The following ODAPH variants were observed in gnomAD, a reference collection of about 807,000 sequenced individuals.
The protein encoded by ODAPH is odontogenesis associated phosphoprotein, also known as amelogenesis imperfecta type IIA4.
Under a neutral mutation model 2.8 loss-of-function variants are expected in ODAPH, and 2 were observed. The ratio of observed to expected loss-of-function variants is 0.72; its 90% CI spans 0.30 to 2.28. The LOEUF is 2.28. Among genes scored for constraint, ODAPH ranks in the 30% most tolerant of loss-of-function variants. ODAPH has a pLI of 0.13. For synonymous variants in ODAPH, 75 were observed against 60.3 expected (o/e 1.24, Z -1.13); for missense variants, 159 against 163.3 (o/e 0.97, Z 0.14).
Position 75,564,653 on chromosome 4 carries a change from C to T in ODAPH, c.*214C>T, listed in dbSNP as rs1424858777. On this transcript the variant is annotated 3_prime_UTR_variant, in exon 2 of 2. Transcript: ENST00000311623. ...TGGTTGCAAAATTGGACAATAACCA[C>T]GTTATTTTTATCCTCAACCTCTTAT... The T allele has an allele frequency of 6.2e-6, 6 of 960,036 alleles. No individual in the cohort carries two copies. The highest frequency in any genetic ancestry group is 3.3e-5 in the African/African-American group (2 of 60,228). The allele number at this position is 960,036 out of a possible 1,614,324, so 59.5% of individuals were successfully genotyped here. A position where few individuals can be genotyped will look rare whatever the true frequency, so the allele number is the denominator to read the frequency against.
intron 1 of ODAPH, among the ~76,000 whole-genome samples, chr4:75,561,003 G>C (rs1164328923): frequency 1.3e-5 from 2 of 152,164 alleles, no homozygotes; most frequent in Non-Finnish European, 2.9e-5. Flanking sequence ...GGATCACGAG[G>C]TCAGGAGATC....
chr4:75,564,530 C>T lies in ODAPH; in HGVS notation c.*91C>T. On this transcript the variant is annotated 3_prime_UTR_variant, in exon 2 of 2. Transcript: ENST00000311623. Reference sequence around the variant, plus strand: ...AAGATTTCTGTTTTATCTTTCGAAACTAAAACTATTGGATTTGAAGATTAA... The same window carrying T: ...AAGATTTCTGTTTTATCTTTCGAAATTAAAACTATTGGATTTGAAGATTAA... The T allele has an allele frequency of 1.2e-6, 2 of 1,607,064 alleles. No homozygotes were observed. Among genetic ancestry groups the T allele is most frequent in the East Asian group, 2.2e-5 (1 of 44,868 alleles).
intron 1 of ODAPH, among the ~76,000 whole-genome samples, chr4:75,556,359 A>G (rs1727338828): frequency 6.6e-6 from 1 of 152,202 alleles, no homozygotes; most frequent in South Asian, 2.1e-4. Flanking sequence ...CTTTAGACAC[A>G]CTTAAAATCT....
At chr4:75,558,527 G>T (rs1252539418) in intron 1 of ODAPH, among the ~76,000 whole-genome samples, 1 of 147,250 alleles carries the variant, frequency 6.8e-6, no homozygotes, top group Non-Finnish European at 1.5e-5. Context: ...AAAAAAAAAG[G>T]TCTTTCATCA....
downstream of ODAPH, chr4:75,565,425 T>A (rs1001644152): frequency 1.3e-5 from 2 of 152,220 alleles, no homozygotes; most frequent in Non-Finnish European, 2.9e-5. Context: ...TAAAATAATA[T>A]ACTTCCTCTC....
intron 1 of ODAPH, among the ~76,000 whole-genome samples, chr4:75,562,137 T>C (rs536273716): frequency 6.6e-6 from 1 of 152,264 alleles, no homozygotes; most frequent in African/African-American, 2.4e-5. Flanking sequence ...CAATCAGCCA[T>C]AGCCAGAAGG....
At chr4:75,563,666 G>A (rs1042813971) in intron 1 of ODAPH, among the ~76,000 whole-genome samples, 2 of 152,116 alleles carry the variant, frequency 1.3e-5, no homozygotes, top group African/African-American at 4.8e-5. Context: ...AAAGGGAGTC[G>A]TACAGTATGT....
At position 75,564,560 on chromosome 4, in the gene ODAPH, C is replaced by G; in HGVS notation, c.*121C>G. On this transcript the variant is annotated 3_prime_UTR_variant, in exon 2 of 2. Coordinates refer to ENST00000311623, the MANE Select transcript of ODAPH (RefSeq NM_178497.5). The stretch of plus-strand genomic sequence containing the variant: ...ACTATTGGATTTGAAGATTAAGTAT[C>G]CTAAACATCACTGACTAGAAACTGT... 6.4e-7 allele frequency: 1 copy of G among 1,573,252 alleles called. No individual in the cohort carries two copies. The highest frequency in any genetic ancestry group is 8.6e-7 in the Non-Finnish European group (1 of 1,162,082).
Position 75,564,270 on chromosome 4 carries a change from T to C in ODAPH, c.224T>C (p.Phe75Ser). 1 of 1,614,232 alleles carries C rather than the reference T, an allele frequency of 6.2e-7. No homozygotes were observed. Among genetic ancestry groups the C allele is most frequent in the African/African-American group, 1.3e-5 (1 of 75,056 alleles). Residue 75 changes from phenylalanine to serine, a missense_variant, in exon 2 of 2, where the codon TTT becomes TCT. Transcript: ENST00000311623. ...ACACCCAGGTGTCCCTTCCATTTTT[T>C]TCCACGAAGGCCCAGAATCCATTTT... Reference protein sequence around the residue: ...TKTPRCPFHFFPRRPRIHFRF... With the variant: ...TKTPRCPFHFSPRRPRIHFRF...
At chr4:75,562,417 G>T (rs982307871) in intron 1 of ODAPH, among the ~76,000 whole-genome samples, 4 of 147,512 alleles carry the variant, frequency 2.7e-5, no homozygotes, top group Non-Finnish European at 5.9e-5. Context: ...TCGGCTCACC[G>T]CAACCTCCAC....
In ODAPH at chr4:75,564,478, G is replaced by A. The variant is rs1727736226; in HGVS notation, c.*39G>A. 6.2e-7 allele frequency: 1 copy of A among 1,613,602 alleles called. No homozygotes were observed. ...CCCAAACATACTGAAGCAAAAAAAAGCCTATCCTTCAGAAAAAAGCAACAA... is the reference window on the plus strand; with the variant it reads ...CCCAAACATACTGAAGCAAAAAAAAACCTATCCTTCAGAAAAAAGCAACAA... On this transcript the variant is annotated 3_prime_UTR_variant, in exon 2 of 2. Transcript: ENST00000311623.
chr4:75,560,252 T>A lies in ODAPH; in HGVS notation c.68-3862T>A, dbSNP rs145212490. 1.5e-3 allele frequency among the ~76,000 whole-genome samples: 224 copies of A among 152,320 alleles called. 5 individuals are homozygous for A. Among genetic ancestry groups the A allele is most frequent in the East Asian group, 5.0e-3 (26 of 5,186 alleles). On this transcript the variant is annotated intron_variant, in intron 1 of 1. Transcript: ENST00000311623. ...GATTACCTCAGCTTTCTCTCCGGAA[T>A]ATGAAGCTGATTAATCAACTTAGAA...
intron 1 of ODAPH, among the ~76,000 whole-genome samples, chr4:75,562,100 G>C (rs1217228276): frequency 6.6e-6 from 1 of 152,192 alleles, no homozygotes; most frequent in Non-Finnish European, 1.5e-5. Flanking sequence ...ACCAGACAGT[G>C]AATGAGTTGA....
chr4:75,559,213 T>G (rs1727466627), intron 1 of ODAPH, among the ~76,000 whole-genome samples: 1 of 152,198 alleles, frequency 6.6e-6, no homozygotes, highest in Non-Finnish European at 1.5e-5. Flanking sequence ...CGAGGTCCTA[T>G]TCTAGTAACG....
intron 1 of ODAPH, among the ~76,000 whole-genome samples, chr4:75,561,445 G>T (rs1727574896): frequency 6.6e-6 from 1 of 152,090 alleles, no homozygotes; most frequent in Non-Finnish European, 1.5e-5. Context: ...TTTGTTCAAG[G>T]AACAGACACC....
In ODAPH at chr4:75,557,554, G is replaced by A. The variant is rs187090493; in HGVS notation, c.67+1405G>A. ...CTCGGGAGGCTGAGGCAGGAGAATC[G>A]CTTGAACCCAGGAGGTGGAGGTTGC... On this transcript the variant is annotated intron_variant, in intron 1 of 1. Coordinates refer to ENST00000311623, the MANE Select transcript of ODAPH (RefSeq NM_178497.5). Among the ~76,000 whole-genome samples the A allele has an allele frequency of 3.2e-3, 488 of 152,218 alleles. 3 individuals carry two copies. The highest frequency in any genetic ancestry group is 0.011 in the African/African-American group (460 of 41,534).
At chr4:75,557,480 A>T (rs1727381567) in intron 1 of ODAPH, among the ~76,000 whole-genome samples, 1 of 152,130 alleles carries the variant, frequency 6.6e-6, no homozygotes, top group Non-Finnish European at 1.5e-5. Flanking sequence ...TCTCTACAAA[A>T]AATACAAAAT....
At chr4:75,560,267 T>C (rs1727510136) in intron 1 of ODAPH, among the ~76,000 whole-genome samples, 1 of 152,184 alleles carries the variant, frequency 6.6e-6, no homozygotes, top group African/African-American at 2.4e-5. Context: ...AGCTGATTAA[T>C]CAACTTAGAA....
chr4:75,564,116 C>T lies in ODAPH; in HGVS notation c.70C>T (p.Gln24Ter). 1 of 1,614,140 alleles carries T rather than the reference C, an allele frequency of 6.2e-7. No homozygotes were observed. Among genetic ancestry groups the T allele is most frequent in the South Asian group, 1.1e-5 (1 of 91,084 alleles). The stretch of plus-strand genomic sequence containing the variant: ...GACTTGCGTTTTCCTCTCCACAGGA[C>T]AAGAAGAGGTATTTACGCCTCCTGG... Reference protein sequence around the residue: ...CWLVVTVAEGQEEVFTPPGDS... With the variant: ...CWLVVTVAEG The change falls in exon 2 of 2, where the codon CAA becomes TAA. Residue 24 changes from glutamine to a stop codon, truncating the protein, a stop_gained and splice_region_variant. Transcript: ENST00000311623. LOFTEE classifies it low-confidence loss of function (END_TRUNC).
Sources: allele counts gnomAD v4.1 joint callset (sites outside exome capture counted in the v4.1 genomes callset), GRCh38; gene constraint gnomAD v4.1.1; transcripts MANE v1.5; gene names NCBI Gene and HGNC (gene_info 2026-07-23, HGNC 2026-07-21).